BICDL1: variants seen among roughly 807,000 people sequenced by gnomAD.
The protein encoded by BICDL1 is BICD family like cargo adaptor 1.
In BICDL1, 20 loss-of-function variants were observed where a neutral mutation model predicts 76.8. The observed-to-expected ratio is 0.26, with a 90% CI of 0.18 to 0.38. The LOEUF is 0.38. Ranked by LOEUF, BICDL1 falls within the 10% of genes least tolerant of loss-of-function variation. The pLI, the probability that BICDL1 is intolerant of heterozygous loss-of-function variation, is 1.00. For synonymous variants in BICDL1, 383 were observed against 337.1 expected (o/e 1.14, Z -1.49); for missense variants, 700 against 798.6 (o/e 0.88, Z 1.49).
intron 2 of BICDL1, among the ~76,000 whole-genome samples, chr12:120,060,612 T>C (rs1448759041): frequency 6.6e-6 from 1 of 152,210 alleles, no homozygotes; most frequent in African/African-American, 2.4e-5. Context: ...TTTGATTTTA[T>C]TTTGTTTTGT....
chr12:120,084,174 T>C (rs1874216783), intron 8 of BICDL1, among the ~76,000 whole-genome samples: 1 of 152,072 alleles, frequency 6.6e-6, no homozygotes, highest in Admixed American at 6.5e-5. Context: ...TGCTAATTTT[T>C]TGTATTTTTA....
Position 120,093,099 on chromosome 12 carries a change from C to CG in BICDL1, c.1810dup (p.Asp604GlyfsTer2), listed in dbSNP as rs755289629. 45 of 1,437,802 alleles carry CG rather than the reference C, an allele frequency of 3.1e-5. No homozygotes were observed. The highest frequency in any genetic ancestry group is 3.8e-5 in the Non-Finnish European group (40 of 1,055,986). The allele number at this position is 1,437,802 out of a possible 1,614,324, so 89.1% of individuals were successfully genotyped here. On this transcript the variant is annotated frameshift_variant, in exon 10 of 10. Coordinates refer to ENST00000548673, the MANE Select transcript of BICDL1 (RefSeq NM_001367886.1). LOFTEE classifies it high-confidence loss of function. The stretch of plus-strand genomic sequence containing the variant: ...CCTCTGCAGGGGCCACAGCGCTGGG[C>CG]GGGGGGATGAGCCCAGCATCGCTGA...
chr12:120,046,355 A>G (rs1361445782), intron 2 of BICDL1, among the ~76,000 whole-genome samples: 1 of 152,228 alleles, frequency 6.6e-6, no homozygotes, highest in Non-Finnish European at 1.5e-5. Context: ...CTCTAAAGTC[A>G]GAGTTGATCT....
intron 2 of BICDL1, among the ~76,000 whole-genome samples, chr12:120,014,894 A>G (rs1293208117): frequency 1.3e-5 from 2 of 152,130 alleles, no homozygotes; most frequent in African/African-American, 4.8e-5. Context: ...AATGAAAGGA[A>G]TTTATTTACC....
chr12:120,064,650 C>A, intron 3 of BICDL1, 83 bp from the exon 4 acceptor site: 1 of 1,380,956 alleles, frequency 7.2e-7, no homozygotes, highest in Non-Finnish European at 9.8e-7. Flanking sequence ...TACTTGCCTT[C>A]ATGTTTTGGG....
At chr12:120,007,683 G>T (rs906594382) in intron 2 of BICDL1, among the ~76,000 whole-genome samples, 1 of 152,178 alleles carries the variant, frequency 6.6e-6, no homozygotes, top group Non-Finnish European at 1.5e-5. Context: ...TCCTCTGAAA[G>T]GTAAACAGAT....
chr12:120,089,701 C>G (rs1166248192), intron 8 of BICDL1, among the ~76,000 whole-genome samples: 4 of 152,160 alleles, frequency 2.6e-5, no homozygotes, highest in Non-Finnish European at 5.9e-5. Flanking sequence ...GTTTCTTTAT[C>G]CGTGAGGTGG....
intron 2 of BICDL1, among the ~76,000 whole-genome samples, chr12:120,033,981 G>A (rs1270088980): frequency 6.6e-6 from 1 of 152,174 alleles, no homozygotes; most frequent in Non-Finnish European, 1.5e-5. Flanking sequence ...TCTATGGAGT[G>A]TTCAGGCATT....
intron 2 of BICDL1, among the ~76,000 whole-genome samples, chr12:120,046,799 G>A (rs1952758968): frequency 6.6e-6 from 1 of 152,204 alleles, no homozygotes; most frequent in African/African-American, 2.4e-5. Context: ...CCAATTGCGA[G>A]TACAGTGTGG....
chr12:120,006,586 T>C (rs1318773057), intron 2 of BICDL1, among the ~76,000 whole-genome samples: 1 of 152,192 alleles, frequency 6.6e-6, no homozygotes, highest in African/African-American at 2.4e-5. Flanking sequence ...CAATTTTTGA[T>C]AGGATTCTCA....
chr12:120,026,752 G>A (rs973895764), intron 2 of BICDL1, among the ~76,000 whole-genome samples: 3 of 152,222 alleles, frequency 2.0e-5, no homozygotes, highest in African/African-American at 4.8e-5. Context: ...CAGTGTCATA[G>A]GCTCTAGCTT....
At chr12:120,022,785 T>C (rs1952210606) in intron 2 of BICDL1, among the ~76,000 whole-genome samples, 1 of 151,982 alleles carries the variant, frequency 6.6e-6, no homozygotes, top group Non-Finnish European at 1.5e-5. Context: ...CTTTCAAAGC[T>C]GTAGCACCAG....
Position 120,071,766 on chromosome 12 carries a change from A to G in BICDL1, c.1054A>G (p.Met352Val), listed in dbSNP as rs1195524007. 2.5e-6 allele frequency: 4 copies of G among 1,611,262 alleles called. No individual in the cohort carries two copies. The South Asian group carries it at 4.4e-5, about 18-fold the overall frequency. The change falls in exon 5 of 10, where the codon ATG (methionine) becomes GTG (valine). Residue 352 changes from methionine to valine, a missense_variant. Physicochemically the swap from Met to Val is conservative, Grantham distance 21. This residue lies in a region of BICDL1 where 455 missense variants were observed against 548.7 expected (regional missense o/e 0.83). Coordinates refer to ENST00000548673, the MANE Select transcript of BICDL1 (RefSeq NM_001367886.1). The surrounding 1 kb of genome is among the most constrained non-coding windows in gnomAD (Gnocchi z 4.8). ...TSLLSEIEQS[M>V]EAEELEQERE... ...CCTCCTGTCAGAGATCGAGCAGAGCATGGAGGCTGAGGAGCTGGAGCAGGA... is the reference window on the plus strand; with the variant it reads ...CCTCCTGTCAGAGATCGAGCAGAGCGTGGAGGCTGAGGAGCTGGAGCAGGA...
intron 2 of BICDL1, among the ~76,000 whole-genome samples, chr12:120,016,532 C>G (rs1048456714): frequency 3.3e-5 from 5 of 150,994 alleles, no homozygotes; most frequent in African/African-American, 4.9e-5. Flanking sequence ...GGTGATTCTC[C>G]CACTTCAGTC....
At chr12:119,993,620 T>C (rs1192574700) in intron 1 of BICDL1, among the ~76,000 whole-genome samples, 2 of 130,192 alleles carry the variant, frequency 1.5e-5, no homozygotes, top group Non-Finnish European at 3.3e-5. Context: ...AAGTTGTTTC[T>C]TTTTTTTTTT....
intron 1 of BICDL1, among the ~76,000 whole-genome samples, chr12:119,994,255 A>T (rs1951589471): frequency 6.6e-6 from 1 of 152,184 alleles, no homozygotes; most frequent in Non-Finnish European, 1.5e-5. Flanking sequence ...GAAAATGAAT[A>T]CATAATGGGA....
In BICDL1 at chr12:119,989,910, A is replaced by AC; in HGVS notation, c.45dup (p.Ala16ArgfsTer103). ...TGGGCTTGGTCGGCCGCGCTTCAGC[A>AC]CCCGCCGAGCCGGACAGCGCCTGCT... On this transcript the variant is annotated frameshift_variant, in exon 1 of 10. Transcript: ENST00000548673. LOFTEE classifies it high-confidence loss of function. 6.9e-7 allele frequency: 1 copy of AC among 1,450,738 alleles called. No individual in the cohort carries two copies. Among genetic ancestry groups the AC allele is most frequent in the African/African-American group, 1.5e-5 (1 of 66,526 alleles). The allele number at this position is 1,450,738 out of a possible 1,614,324, so 89.9% of individuals were successfully genotyped here. A position where few individuals can be genotyped will look rare whatever the true frequency, so the allele number is the denominator to read the frequency against.
Position 119,989,809 on chromosome 12 carries a change from C to A in BICDL1, c.-60C>A, listed in dbSNP as rs897640973. The A allele has an allele frequency of 9.1e-6, 8 of 881,602 alleles. No individual in the cohort carries two copies. Among genetic ancestry groups the A allele is most frequent in the South Asian group, 5.2e-5 (1 of 19,352 alleles). The allele number at this position is 881,602 out of a possible 1,614,324, so 54.6% of individuals were successfully genotyped here. The stretch of plus-strand genomic sequence containing the variant: ...GGGGCGGCGCGGCAGGGCCCCTCCC[C>A]CCTGCAGCCTGGCGCGCGCGGGCCG... On this transcript the variant is annotated 5_prime_UTR_variant, in exon 1 of 10. Coordinates refer to ENST00000548673, the MANE Select transcript of BICDL1 (RefSeq NM_001367886.1).
intron 2 of BICDL1, among the ~76,000 whole-genome samples, chr12:120,034,058 G>A (rs190360284): frequency 2.0e-5 from 3 of 152,210 alleles, no homozygotes; most frequent in East Asian, 1.9e-4. Context: ...TTTTGTACTC[G>A]AGCATTTTGA....
Sources: allele counts gnomAD v4.1 joint callset (sites outside exome capture counted in the v4.1 genomes callset), GRCh38; gene constraint gnomAD v4.1.1; regional missense constraint gnomAD v4.1.1; non-coding constraint Gnocchi (gnomAD v3.1); transcripts MANE v1.5; gene names NCBI Gene and HGNC (gene_info 2026-07-23, HGNC 2026-07-21).